NRXN1: variants seen among roughly 807,000 people sequenced by gnomAD.
NRXN1 encodes neurexin-1.
In NRXN1, 39 loss-of-function variants were observed where a neutral mutation model predicts 150.9. That is an observed-to-expected ratio of 0.26 (90% CI 0.20 to 0.34). The LOEUF (loss-of-function observed/expected upper bound fraction) is 0.34. Ranked by LOEUF, NRXN1 falls within the 10% of genes least tolerant of loss-of-function variation. The pLI, the probability that NRXN1 is intolerant of heterozygous loss-of-function variation, is 1.00. For synonymous variants in NRXN1, 924 were observed against 757.0 expected, an observed-to-expected ratio of 1.22 and a Z score of -3.62; for missense variants, 1,815 against 1,949.9, an observed-to-expected ratio of 0.93 and a Z score of 1.30.
chr2:50,465,612 A>C, intron 16 of NRXN1, 51 bp from the exon 17 acceptor site: 1 of 1,538,462 alleles, frequency 6.5e-7, no homozygotes, highest in South Asian at 1.2e-5. Context: ...ATCCAAAAGC[A>C]TTTTATACAT....
chr2:50,140,256 C>T (rs1707073325), intron 18 of NRXN1, among the ~76,000 whole-genome samples: 2 of 152,086 alleles, frequency 1.3e-5, no homozygotes. Flanking sequence ...GGGACCAATA[C>T]AATAGAGAGT....
chr2:50,072,529 T>TA (rs1277381292), intron 19 of NRXN1, among the ~76,000 whole-genome samples: 26 of 84,978 alleles, frequency 3.1e-4, no homozygotes, highest in South Asian at 1.0e-3. Flanking sequence ...CCTAAGAAAT[T>TA]TAAAAAAAAA....
intron 5 of NRXN1, among the ~76,000 whole-genome samples, chr2:50,628,330 C>T (rs1236118068): frequency 6.6e-6 from 1 of 151,544 alleles, no homozygotes; most frequent in Non-Finnish European, 1.5e-5. Flanking sequence ...TTGTTTAATT[C>T]CAAATTTAAG....
In NRXN1 at chr2:50,640,436, T is replaced by C. The variant is rs1481868678; in HGVS notation, c.833-16821A>G. On this transcript the variant is annotated intron_variant, in intron 5 of 22. Coordinates refer to ENST00000401669, the MANE Select transcript of NRXN1 (RefSeq NM_001330078.2). ...ATTTGCATACTGCTTATGTAACTTA[T>C]CAGGAAACTGGCATATTTTCTCTTA... Among the ~76,000 whole-genome samples the C allele has an allele frequency of 5.3e-5, 8 of 152,170 alleles. 1 individual carries two copies. The highest frequency in any genetic ancestry group is 1.2e-4 in the Non-Finnish European group (8 of 68,040).
At chr2:50,404,512 T>C (rs893904420) in intron 17 of NRXN1, among the ~76,000 whole-genome samples, 1 of 152,036 alleles carries the variant, frequency 6.6e-6, no homozygotes, top group Non-Finnish European at 1.5e-5. Context: ...AGTTTTAGGG[T>C]TGAAGTGGGA....
chr2:50,130,667 G>GTGAGCAA (rs1401320314), intron 18 of NRXN1, among the ~76,000 whole-genome samples: 2 of 152,172 alleles, frequency 1.3e-5, no homozygotes, highest in Non-Finnish European at 2.9e-5. Context: ...TACTCTGCAT[G>GTGAGCAA]TGAGCAAGTT....
chr2:51,031,152 A>G (rs1214757641), intron 1 of NRXN1, among the ~76,000 whole-genome samples: 1 of 152,120 alleles, frequency 6.6e-6, no homozygotes, highest in Non-Finnish European at 1.5e-5. Context: ...CTGTATTTAT[A>G]TGGAGAAAAG....
chr2:50,669,785 G>C (rs1156278258), intron 5 of NRXN1, among the ~76,000 whole-genome samples: 1 of 149,846 alleles, frequency 6.7e-6, no homozygotes, highest in Non-Finnish European at 1.5e-5. Flanking sequence ...ATGCATGTTG[G>C]CTTTTCCACA....
intron 9 of NRXN1, among the ~76,000 whole-genome samples, chr2:50,542,743 A>G (rs9309183): frequency 0.4 from 60,952 of 151,988 alleles, 14,396 homozygotes; most frequent in African/African-American, 0.66. Flanking sequence ...TTTAGCCTAA[A>G]CATGTGTCCT....
At chr2:50,256,129 C>A (rs1244748987) in intron 17 of NRXN1, among the ~76,000 whole-genome samples, 2 of 152,120 alleles carry the variant, frequency 1.3e-5, no homozygotes, top group African/African-American at 2.4e-5. Flanking sequence ...TTAGTTTGCA[C>A]TCATTATCAT....
At chr2:50,099,059 C>G (rs1243935485) in intron 18 of NRXN1, among the ~76,000 whole-genome samples, 1 of 151,906 alleles carries the variant, frequency 6.6e-6, no homozygotes, top group Non-Finnish European at 1.5e-5. Flanking sequence ...TGTCTCCATC[C>G]TACAGGATGC....
At chr2:50,923,755 G>A (rs1232466497) in intron 3 of NRXN1, among the ~76,000 whole-genome samples, 1 of 151,678 alleles carries the variant, frequency 6.6e-6, no homozygotes, top group African/African-American at 2.4e-5. Flanking sequence ...TGCTATTTCA[G>A]ATATATTTGA....
intron 5 of NRXN1, among the ~76,000 whole-genome samples, chr2:50,865,950 A>G (rs1007875429): frequency 2.0e-5 from 3 of 151,686 alleles, no homozygotes; most frequent in Non-Finnish European, 4.4e-5. Context: ...AACTTGCAAA[A>G]GAAAACAAAC....
chr2:50,139,347 G>T (rs1419861592), intron 18 of NRXN1, among the ~76,000 whole-genome samples: 3 of 143,802 alleles, frequency 2.1e-5, no homozygotes, highest in Non-Finnish European at 3.0e-5. Flanking sequence ...AAAAAAAAAA[G>T]GTACTGCATG....
chr2:50,855,884 T>C (rs1018871294), intron 5 of NRXN1, among the ~76,000 whole-genome samples: 2 of 152,006 alleles, frequency 1.3e-5, no homozygotes, highest in African/African-American at 4.8e-5. Flanking sequence ...CGGGAAAAAG[T>C]ACGGTTAAAC....
chr2:50,101,931 G>C (rs979858140), intron 18 of NRXN1, among the ~76,000 whole-genome samples: 2 of 151,964 alleles, frequency 1.3e-5, no homozygotes, highest in Non-Finnish European at 1.5e-5. Flanking sequence ...AGCTGACAGT[G>C]CTAACTTTTT....
At chr2:50,226,647 A>T (rs574107837) in intron 18 of NRXN1, among the ~76,000 whole-genome samples, 319 of 152,098 alleles carry the variant, frequency 2.1e-3, no homozygotes, top group African/African-American at 7.2e-3. Flanking sequence ...TCAGAGGTCC[A>T]GCTAAGGAAG....
chr2:50,729,030 ATTATT>A (rs1697754911), intron 5 of NRXN1, among the ~76,000 whole-genome samples: 1 of 152,184 alleles, frequency 6.6e-6, no homozygotes, highest in African/African-American at 2.4e-5. Context: ...AAAGAATAAT[ATTATT>A]TTACTACTAG....
chr2:50,569,978 GA>G (rs1159790799), intron 8 of NRXN1, among the ~76,000 whole-genome samples: 1 of 152,158 alleles, frequency 6.6e-6, no homozygotes, highest in African/African-American at 2.4e-5. Context: ...GTCTAATACG[GA>G]TGCTCTCAAG....
Sources: allele counts gnomAD v4.1 joint callset (sites outside exome capture counted in the v4.1 genomes callset), GRCh38; gene constraint gnomAD v4.1.1; transcripts MANE v1.5; gene names NCBI Gene and HGNC (gene_info 2026-07-23, HGNC 2026-07-21).